The following VEPH1 variants were observed in gnomAD, a reference collection of about 807,000 sequenced individuals.
VEPH1 encodes ventricular zone-expressed PH domain-containing protein homolog 1.
In VEPH1, 80 loss-of-function variants were observed where a neutral mutation model predicts 85.2. That is an observed-to-expected ratio of 0.94 (90% CI 0.78 to 1.13). The LOEUF is 1.13. Ranked by LOEUF, VEPH1 falls within the 50% of genes most tolerant of loss-of-function variation. VEPH1 has a pLI of 0.00. For missense variants in VEPH1, 955 were observed against 980.5 expected, an observed-to-expected ratio of 0.97 and a Z score of 0.35; for synonymous variants, 297 against 348.0, an observed-to-expected ratio of 0.85 and a Z score of 1.63.
chr3:157,341,675 CGTG>C (rs1723576024), intron 9 of VEPH1, among the ~76,000 whole-genome samples: 3 of 152,224 alleles, frequency 2.0e-5, no homozygotes, highest in Non-Finnish European at 4.4e-5. Context: ...ATACAGAGAA[CGTG>C]ACAAAGATAC....
At chr3:157,467,015 A>C (rs905655439) in intron 3 of VEPH1, among the ~76,000 whole-genome samples, 2 of 152,234 alleles carry the variant, frequency 1.3e-5, no homozygotes, top group Non-Finnish European at 2.9e-5. Context: ...CCAAGAAAAG[A>C]AGTATAATTA....
chr3:157,401,906 G>A (rs1306668515), intron 6 of VEPH1, among the ~76,000 whole-genome samples: 3 of 152,224 alleles, frequency 2.0e-5, no homozygotes, highest in East Asian at 3.9e-4. Context: ...GAAAAAGTCC[G>A]AAATATGCTT....
In VEPH1 at chr3:157,357,736, G is replaced by GC. The variant is rs568520801; in HGVS notation, c.1735+5627dup. Among the ~76,000 whole-genome samples the GC allele has an allele frequency of 3.9e-4, 60 of 152,170 alleles. No individual in the cohort carries two copies. In the South Asian group the frequency reaches 5.6e-3, roughly 14 times the overall value. Reference sequence around the variant, plus strand: ...TCGAACTCCTGACCTCAGGTGATCCGCCTGCCTTGGCCTCCCAAAGTGTTG... The same window carrying GC: ...TCGAACTCCTGACCTCAGGTGATCCGCCCTGCCTTGGCCTCCCAAAGTGTTG... On this transcript the variant is annotated intron_variant, in intron 9 of 13. Coordinates refer to ENST00000362010, the MANE Select transcript of VEPH1 (RefSeq NM_001167912.2).
intron 7 of VEPH1, among the ~76,000 whole-genome samples, chr3:157,367,202 G>A (rs1290996890): frequency 6.6e-6 from 1 of 152,048 alleles, no homozygotes. Context: ...ATATACATTG[G>A]TAGATTGCAA....
intron 4 of VEPH1, among the ~76,000 whole-genome samples, chr3:157,438,657 G>A (rs1733873210): frequency 6.6e-6 from 1 of 152,154 alleles, no homozygotes; most frequent in African/African-American, 2.4e-5. Context: ...TTGGGGCCAA[G>A]CAGGAGAGAG....
At chr3:157,328,590 C>G (rs916398729) in intron 9 of VEPH1, among the ~76,000 whole-genome samples, 1 of 152,152 alleles carries the variant, frequency 6.6e-6, no homozygotes, top group African/African-American at 2.4e-5. Flanking sequence ...AGAAAGAAAA[C>G]CTCATAACAA....
chr3:157,455,770 G>A (rs987519027), intron 4 of VEPH1, among the ~76,000 whole-genome samples: 3 of 152,064 alleles, frequency 2.0e-5, no homozygotes, highest in Non-Finnish European at 4.4e-5. Context: ...TCTTTTTTAC[G>A]GCTGCATAGT....
intron 4 of VEPH1, among the ~76,000 whole-genome samples, chr3:157,430,229 A>C (rs960149556): frequency 6.6e-6 from 1 of 152,232 alleles, no homozygotes; most frequent in Non-Finnish European, 1.5e-5. Context: ...TATGATCTCC[A>C]TAAGTATTTT....
At chr3:157,373,088 A>C (rs1400567070) in intron 7 of VEPH1, among the ~76,000 whole-genome samples, 2 of 152,282 alleles carry the variant, frequency 1.3e-5, no homozygotes, top group Non-Finnish European at 2.9e-5. Flanking sequence ...CACACAATCA[A>C]GGGAGGCTGA....
intron 1 of VEPH1, among the ~76,000 whole-genome samples, chr3:157,500,736 A>C (rs1471837993): frequency 6.6e-6 from 1 of 151,954 alleles, no homozygotes; most frequent in Non-Finnish European, 1.5e-5. Flanking sequence ...ATCCAGTTTT[A>C]TTTTTTTAAA....
chr3:157,389,682 G>C (rs900152000), intron 6 of VEPH1, among the ~76,000 whole-genome samples: 1 of 144,872 alleles, frequency 6.9e-6, no homozygotes, highest in Non-Finnish European at 1.5e-5. Context: ...TAGATAGATA[G>C]ATAGATAGAT....
chr3:157,485,333 C>A (rs941308409), intron 2 of VEPH1, among the ~76,000 whole-genome samples: 1 of 152,126 alleles, frequency 6.6e-6, no homozygotes, highest in African/African-American at 2.4e-5. Flanking sequence ...TAGGCCATGA[C>A]AACTATGTAT....
Position 157,369,193 on chromosome 3 carries a change from A to AAAAAAAAAAAAAAAAAAAC in VEPH1, c.1128-4682_1128-4681insGTTTTTTTTTTTTTTTTTT, listed in dbSNP as rs1553773125. On this transcript the variant is annotated intron_variant, in intron 7 of 13. Transcript: ENST00000362010. Reference sequence around the variant, plus strand: ...CAAAAACCAAATGAAAAAAAAAAAAAAAAAAAAAAAACCTCCTGAGGTCTA... The same window carrying AAAAAAAAAAAAAAAAAAAC: ...CAAAAACCAAATGAAAAAAAAAAAAAAAAAAAAAAAAAAAAAAACAAAAAAAAAAACCTCCTGAGGTCTA... Among the ~76,000 whole-genome samples, 62 of 140,616 alleles carry AAAAAAAAAAAAAAAAAAAC rather than the reference A, an allele frequency of 4.4e-4. 2 individuals are homozygous for AAAAAAAAAAAAAAAAAAAC. Among genetic ancestry groups the AAAAAAAAAAAAAAAAAAAC allele is most frequent in the South Asian group, 7.6e-4 (3 of 3,958 alleles). The allele number at this position is 140,616 out of a possible 152,430, so 92.2% of individuals were successfully genotyped here. A position where few individuals can be genotyped will look rare whatever the true frequency, so the allele number is the denominator to read the frequency against.
At chr3:157,482,155 C>A (rs1292793698) in intron 2 of VEPH1, among the ~76,000 whole-genome samples, 1 of 152,076 alleles carries the variant, frequency 6.6e-6, no homozygotes, top group African/African-American at 2.4e-5. Flanking sequence ...GGTATTTTGA[C>A]TCTTTTTTGG....
At chr3:157,332,391 C>A (rs978844576) in intron 9 of VEPH1, among the ~76,000 whole-genome samples, 12 of 152,110 alleles carry the variant, frequency 7.9e-5, no homozygotes, top group African/African-American at 2.9e-4. Flanking sequence ...AGCAATTATT[C>A]TTCATTTCCC....
chr3:157,369,193 A>AAAACAAAAC (rs1727180152), intron 7 of VEPH1, among the ~76,000 whole-genome samples: 1 of 140,572 alleles, frequency 7.1e-6, no homozygotes, highest in East Asian at 2.2e-4. Context: ...AAAAAAAAAA[A>AAAACAAAAC]AAAAAAAAAA....
At chr3:157,329,329 C>A (rs985614500) in intron 9 of VEPH1, among the ~76,000 whole-genome samples, 9 of 152,152 alleles carry the variant, frequency 5.9e-5, no homozygotes, top group African/African-American at 2.2e-4. Flanking sequence ...CAGTGGGAAC[C>A]ACCTGAACTG....
rs758357645 is a variant in VEPH1, at chr3:157,261,199, A to G, written c.2437T>C (p.Cys813Arg). Residue 813 changes from cysteine (C) to arginine (R), a missense_variant, in exon 14 of 14, where the codon TGC (cysteine) becomes CGC (arginine). Transcript: ENST00000362010. ...DEKNAEEWLQ[C>R]INVAVAQAKE... is the part of the protein sequence containing the mutation. Reference sequence around the variant, plus strand: ...GCTTGGGCAACTGCCACGTTGATGCACTGGAGCCATTCTTCTGCATTCTTC... The same window carrying G: ...GCTTGGGCAACTGCCACGTTGATGCGCTGGAGCCATTCTTCTGCATTCTTC... The G allele has an allele frequency of 3.1e-6, 5 of 1,613,728 alleles. No homozygotes were observed. Among genetic ancestry groups the G allele is most frequent in the Non-Finnish European group, 4.2e-6 (5 of 1,179,810 alleles).
chr3:157,359,511 C>T (rs549028240), intron 9 of VEPH1, among the ~76,000 whole-genome samples: 1 of 152,324 alleles, frequency 6.6e-6, no homozygotes, highest in Non-Finnish European at 1.5e-5. Context: ...CAAAATGACA[C>T]TGCCGACCCA....
Sources: gnomAD v4.1 joint callset for allele counts (sites outside exome capture counted in the v4.1 genomes callset) on GRCh38, gnomAD v4.1.1 for gene constraint, MANE v1.5 for transcripts, NCBI Gene and HGNC (gene_info 2026-07-23, HGNC 2026-07-21) for gene names.